RPTOR: variants seen among roughly 807,000 people sequenced by gnomAD.
The protein encoded by RPTOR is regulatory associated protein of MTOR complex 1, also known as regulatory-associated protein of mTOR.
RPTOR carries 21 observed loss-of-function variants against 169.9 expected under a neutral mutation model. That is an observed-to-expected ratio of 0.12 (90% CI 0.09 to 0.18). The LOEUF (loss-of-function observed/expected upper bound fraction) is 0.18, where lower values mean the gene tolerates loss of function less well. RPTOR is among the 10% of genes least tolerant of loss of function. RPTOR has a pLI of 1.00. For missense variants in RPTOR, 1,133 were observed against 1,855.9 expected, an observed-to-expected ratio of 0.61 and a Z score of 7.16; for synonymous variants, 732 against 753.2, an observed-to-expected ratio of 0.97 and a Z score of 0.46.
Position 80,686,739 on chromosome 17 carries a change from T to A in RPTOR, c.349-21102T>A, listed in dbSNP as rs147658458. ...AAATATGAAGAGGTACTTGCTTGAT[T>A]TTTACAAAATCAGCTTTGTGAGAGG... On this transcript the variant is annotated intron_variant, in intron 3 of 33. Coordinates refer to ENST00000306801, the MANE Select transcript of RPTOR (RefSeq NM_020761.3). 2.2e-3 allele frequency among the ~76,000 whole-genome samples: 335 copies of A among 152,196 alleles called. 1 individual carries two copies. Among genetic ancestry groups the A allele is most frequent in the African/African-American group, 7.6e-3 (315 of 41,508 alleles).
intron 4 of RPTOR, among the ~76,000 whole-genome samples, chr17:80,724,363 C>T (rs1259202184): frequency 6.6e-6 from 1 of 151,110 alleles, no homozygotes; most frequent in Non-Finnish European, 1.5e-5. Flanking sequence ...TACTGCCTGG[C>T]ATAGTTGGCA....
chr17:80,706,022 C>G (rs547972480), intron 3 of RPTOR, among the ~76,000 whole-genome samples: 1 of 152,302 alleles, frequency 6.6e-6, no homozygotes, highest in South Asian at 2.1e-4. Flanking sequence ...CATTTTTCTT[C>G]AAGTGATGAT....
chr17:80,639,956 T>C (rs2065539813), intron 2 of RPTOR, among the ~76,000 whole-genome samples: 1 of 152,266 alleles, frequency 6.6e-6, no homozygotes, highest in South Asian at 2.1e-4. Context: ...TTGACTGCTT[T>C]AAACTTCAGC....
chr17:80,892,644 G>A lies in RPTOR; in HGVS notation c.2102-85G>A, dbSNP rs538823602. On this transcript the variant is annotated intron_variant, in intron 18 of 33. Coordinates refer to ENST00000306801, the MANE Select transcript of RPTOR (RefSeq NM_020761.3). ...AGCACAGGTAGCAGCTGCCGTCACC[G>A]AGTGTCCCAGCTGCTGAGTGTCAGA... 8.9e-4 allele frequency: 1,317 copies of A among 1,481,518 alleles called. 7 individuals are homozygous for A. In the African/African-American group the frequency reaches 0.016, roughly 18 times the overall value. 91.8% of individuals were successfully genotyped at this position (1,481,518 alleles called of 1,614,324 possible). A position where few individuals can be genotyped will look rare whatever the true frequency, so the allele number is the denominator to read the frequency against.
intron 3 of RPTOR, among the ~76,000 whole-genome samples, 192 bp downstream of exon 3, chr17:80,644,002 C>T (rs1244081752): frequency 5.3e-5 from 8 of 152,250 alleles, no homozygotes; most frequent in East Asian, 1.9e-4. Context: ...GTCTTGACAG[C>T]GTCCGCATTA....
In RPTOR at chr17:80,960,340, G is replaced by T. The variant is rs9889472; in HGVS notation, c.3605+135G>T. 3 of 1,233,110 alleles carry T rather than the reference G, an allele frequency of 2.4e-6. No homozygotes were observed. In the African/African-American group the frequency reaches 4.5e-5, roughly 19 times the overall value. 76.4% of individuals were successfully genotyped at this position (1,233,110 alleles called of 1,614,324 possible). A position where few individuals can be genotyped will look rare whatever the true frequency, so the allele number is the denominator to read the frequency against. Reference sequence around the variant, plus strand: ...AGCTTCCCCAGGAGCCTGCAGTGGCGTATTTAGGCCAGTCCTGGGCTCCCC... The same window carrying T: ...AGCTTCCCCAGGAGCCTGCAGTGGCTTATTTAGGCCAGTCCTGGGCTCCCC... On this transcript the variant is annotated intron_variant, in intron 30 of 33. Coordinates refer to ENST00000306801, the MANE Select transcript of RPTOR (RefSeq NM_020761.3). This position sits in a 1 kb window ranked among gnomAD's most constrained non-coding sequence, Gnocchi z 4.8.
chr17:80,616,656 C>T (rs1599604604), intron 1 of RPTOR, among the ~76,000 whole-genome samples: 1 of 152,018 alleles, frequency 6.6e-6, no homozygotes, highest in Admixed American at 6.5e-5. Flanking sequence ...GACATGGTGG[C>T]GCATGCCTGT....
At chr17:80,711,205 T>C (rs1304252522) in intron 4 of RPTOR, among the ~76,000 whole-genome samples, 1 of 152,218 alleles carries the variant, frequency 6.6e-6, no homozygotes, top group East Asian at 1.9e-4. Context: ...GTGCTGGGTA[T>C]ATGTGCCTTC....
At chr17:80,922,591 G>T in intron 21 of RPTOR, 133 bp from the exon 22 acceptor site, 1 of 720,204 alleles carries the variant, frequency 1.4e-6, no homozygotes, top group Non-Finnish European at 2.4e-6. Context: ...GCCTTCCATT[G>T]GTGTTGGTGC....
In RPTOR at chr17:80,964,360, C is replaced by T. The variant is rs2069396993; in HGVS notation, c.*30C>T. ...GTGACCCGGGCCCACCAGGCCACGG[C>T]CGCCTGCTGTACATAGTGAAGCTGT... On this transcript the variant is annotated 3_prime_UTR_variant, in exon 34 of 34. Transcript: ENST00000306801. The T allele has an allele frequency of 6.3e-7, 1 of 1,599,544 alleles. No individual in the cohort carries two copies. The highest frequency in any genetic ancestry group is 8.5e-7 in the Non-Finnish European group (1 of 1,176,954).
At chr17:80,649,726 A>G (rs1446532755) in intron 3 of RPTOR, among the ~76,000 whole-genome samples, 4 of 152,116 alleles carry the variant, frequency 2.6e-5, no homozygotes, top group Non-Finnish European at 4.4e-5. Flanking sequence ...CCTATGATCA[A>G]TGTTTTTACT....
intron 5 of RPTOR, among the ~76,000 whole-genome samples, chr17:80,734,849 C>T (rs2066421786): frequency 6.6e-6 from 1 of 152,206 alleles, no homozygotes; most frequent in Non-Finnish European, 1.5e-5. Flanking sequence ...TACACTTCTT[C>T]TCACCATTGT....
chr17:80,889,861 G>A (rs1293642078), intron 17 of RPTOR, among the ~76,000 whole-genome samples: 9 of 123,068 alleles, frequency 7.3e-5, no homozygotes, highest in African/African-American at 2.6e-4. Context: ...GCCCCCGTAT[G>A]CAGCAGGATG....
In RPTOR at chr17:80,957,824, G is replaced by A. The variant is rs2069272982; in HGVS notation, c.3477+94G>A. On this transcript the variant is annotated intron_variant, in intron 29 of 33. Transcript: ENST00000306801. The surrounding 1 kb of genome is among the most constrained non-coding windows in gnomAD (Gnocchi z 4.6). ...AGAACCCAGCAAAGTGTGCGGTGAG[G>A]CCTGGCCATCCCAGGGGTGGAGTCA... The A allele has an allele frequency of 1.7e-6, 2 of 1,162,440 alleles. No homozygotes were observed. The highest frequency in any genetic ancestry group is 3.6e-5 in the Admixed American group (2 of 54,988). 72.0% of individuals were successfully genotyped at this position (1,162,440 alleles called of 1,614,324 possible).
chr17:80,686,594 C>G (rs899334473), intron 3 of RPTOR, among the ~76,000 whole-genome samples: 6 of 152,090 alleles, frequency 3.9e-5, no homozygotes, highest in Admixed American at 1.3e-4. Flanking sequence ...TCTTGAAACA[C>G]TTCTTACTGC....
In RPTOR at chr17:80,646,713, T is replaced by C. The variant is rs141178963; in HGVS notation, c.348+2903T>C. 3.9e-5 allele frequency among the ~76,000 whole-genome samples: 6 copies of C among 152,328 alleles called. No homozygotes were observed. Among genetic ancestry groups the C allele is most frequent in the African/African-American group, 1.4e-4 (6 of 41,570 alleles). On this transcript the variant is annotated intron_variant, in intron 3 of 33. Coordinates refer to ENST00000306801, the MANE Select transcript of RPTOR (RefSeq NM_020761.3). The surrounding 1 kb of genome is among the most constrained non-coding windows in gnomAD (Gnocchi z 5.0). ...CTGCAATAAAACAATGGGGGCGTTA[T>C]TAAATTTCCCAGACCTTCAGTGGAA...
intron 3 of RPTOR, among the ~76,000 whole-genome samples, chr17:80,678,174 G>T (rs2065873523): frequency 6.6e-6 from 1 of 152,258 alleles, no homozygotes; most frequent in South Asian, 2.1e-4. Context: ...ACCTTGGGTT[G>T]TAGGTAGTTG....
At chr17:80,934,366 T>C (rs911241814) in intron 24 of RPTOR, among the ~76,000 whole-genome samples, 1 of 152,148 alleles carries the variant, frequency 6.6e-6, no homozygotes, top group Admixed American at 6.5e-5. Context: ...TTTTCTTGTT[T>C]TGTTTTGTTT....
At chr17:80,716,152 C>G (rs1309989774) in intron 4 of RPTOR, among the ~76,000 whole-genome samples, 1 of 152,210 alleles carries the variant, frequency 6.6e-6, no homozygotes, top group African/African-American at 2.4e-5. Flanking sequence ...CACTGTTTTC[C>G]ATAGTGGCTG....
Sources: allele counts gnomAD v4.1 joint callset (sites outside exome capture counted in the v4.1 genomes callset), GRCh38; gene constraint gnomAD v4.1.1; non-coding constraint Gnocchi (gnomAD v3.1); transcripts MANE v1.5; gene names NCBI Gene and HGNC (gene_info 2026-07-23, HGNC 2026-07-21).